The following DNASE1 variants were observed in gnomAD, a reference collection of about 807,000 sequenced individuals.
DNASE1 encodes deoxyribonuclease 1.
A neutral mutation model predicts 33.9 loss-of-function variants in DNASE1; 40 were observed. That is an observed-to-expected ratio of 1.18 (90% CI 0.92 to 1.54). DNASE1 has a LOEUF of 1.54. DNASE1 is among the 40% of genes most tolerant of loss of function. DNASE1 has a pLI of 0.00. For synonymous variants in DNASE1, 216 were observed against 160.0 expected (o/e 1.35, Z -2.64); for missense variants, 518 against 372.6 (o/e 1.39, Z -3.21).
At chr16:3,623,503 C>T (rs995017107) in intron 1 of DNASE1, among the ~76,000 whole-genome samples, 2 of 152,146 alleles carry the variant, frequency 1.3e-5, no homozygotes, top group African/African-American at 4.8e-5. Flanking sequence ...AATGAAAACA[C>T]TTCTACACAG....
At chr16:3,656,807 C>A (rs1424615078) in intron 5 of DNASE1, 54 bp downstream of exon 5, 9 of 1,553,506 alleles carry the variant, frequency 5.8e-6, no homozygotes, top group African/African-American at 2.7e-5. Flanking sequence ...TGGCCTCCAC[C>A]CCCTCCTAGG....
chr16:3,655,995 C>G, intron 3 of DNASE1, 58 bp downstream of exon 3: 8 of 1,612,472 alleles, frequency 5.0e-6, no homozygotes, highest in Non-Finnish European at 6.8e-6. Flanking sequence ...CACAGCCTCA[C>G]TTCACTTGGG....
chr16:3,657,941 G>A lies in DNASE1; in HGVS notation c.837G>A (p.Val279=). 6.2e-7 allele frequency: 1 copy of A among 1,614,028 alleles called. No individual in the cohort carries two copies. The highest frequency in any genetic ancestry group is 1.1e-5 in the South Asian group (1 of 91,076). Residue 279 remains valine (V), a synonymous_variant, in exon 9 of 9, where the codon GTG becomes GTA. Transcript: ENST00000246949. ...QAISDHYPVE[V]MLK ...TCAGTGACCACTATCCAGTGGAGGT[G>A]ATGCTGAAGTGAGCAGCCCCTCCCC...
At chr16:3,658,688 A>G, downstream of DNASE1, 1 of 1,169,798 alleles carries the variant, frequency 8.5e-7, no homozygotes, top group Non-Finnish European at 1.2e-6. Context: ...CAAACAAACA[A>G]ACAAAAAGAC....
chr16:3,619,409 C>G (rs996521090), intron 1 of DNASE1, among the ~76,000 whole-genome samples: 2 of 150,440 alleles, frequency 1.3e-5, no homozygotes, highest in Admixed American at 6.7e-5. Flanking sequence ...TCGCCCAGGC[C>G]GAAGTGCAGT....
rs147763166 is a variant in DNASE1, at chr16:3,657,795, C to T, written c.780C>T (p.Ala260=). ...CTCTTCCCTTTAACTTCCAGGCTGC[C>T]TATGGCCTGAGTGACCAACTGGTAT... is the stretch of plus-strand genomic sequence containing the variant. ...DSALPFNFQA[A]YGLSDQLAQA... Residue 260 remains alanine (A), a synonymous_variant, in exon 8 of 9, where the codon GCC becomes GCT. Transcript: ENST00000246949. 3.8e-5 allele frequency: 61 copies of T among 1,613,766 alleles called. No homozygotes were observed. The African/African-American group carries it at 7.6e-4, about 20-fold the overall frequency.
intron 1 of DNASE1, among the ~76,000 whole-genome samples, chr16:3,628,042 ATCTTG>A (rs903984179): frequency 1.3e-5 from 2 of 151,766 alleles, no homozygotes; most frequent in African/African-American, 4.8e-5. Context: ...ATATTAAGAT[ATCTTG>A]TCTTAACAAT....
chr16:3,640,361 T>A (rs2041997095), upstream of DNASE1, among the ~76,000 whole-genome samples: 1 of 152,202 alleles, frequency 6.6e-6, no homozygotes, highest in Non-Finnish European at 1.5e-5. Flanking sequence ...TTGGCCTCCC[T>A]GAGCTCTGAA....
intron 1 of DNASE1, among the ~76,000 whole-genome samples, chr16:3,648,081 T>C (rs1037551723): frequency 6.6e-6 from 1 of 151,976 alleles, no homozygotes; most frequent in Non-Finnish European, 1.5e-5. Context: ...GGGAGGAGAA[T>C]TGCTCAAACT....
chr16:3,641,946 T>A (rs2151192505), upstream of DNASE1, among the ~76,000 whole-genome samples: 1 of 152,238 alleles, frequency 6.6e-6, no homozygotes, highest in East Asian at 1.9e-4. Context: ...TGGGCAGAGT[T>A]GGAAGAAATA....
chr16:3,642,176 G>A (rs75359759), upstream of DNASE1, among the ~76,000 whole-genome samples: 7,386 of 152,240 alleles, frequency 0.049, 227 homozygotes, highest in Admixed American at 0.066. Flanking sequence ...ACAGCTCTCA[G>A]CCTTTTGCTT....
downstream of DNASE1, chr16:3,662,204 G>C: frequency 6.5e-7 from 1 of 1,549,504 alleles, no homozygotes; most frequent in Non-Finnish European, 8.7e-7. Flanking sequence ...TCTTACCAGG[G>C]GTGAAGGTCA....
intron 1 of DNASE1, among the ~76,000 whole-genome samples, chr16:3,612,230 G>T (rs549735434): frequency 6.6e-6 from 1 of 152,250 alleles, no homozygotes; most frequent in South Asian, 2.1e-4. Flanking sequence ...ACTTGGGGTC[G>T]TCGGGAGCCA....
intron 1 of DNASE1, among the ~76,000 whole-genome samples, chr16:3,623,239 G>A (rs1247777344): frequency 6.6e-6 from 1 of 152,096 alleles, no homozygotes; most frequent in African/African-American, 2.4e-5. Context: ...ATGCAGTGGG[G>A]GAAGGACACG....
downstream of DNASE1, chr16:3,658,644 G>A (rs986780750): frequency 3.0e-4 from 234 of 775,786 alleles, 3 homozygotes; most frequent in East Asian, 5.8e-3. Flanking sequence ...CTGCACTCCA[G>A]CCTGGCAACA....
At position 3,655,008 on chromosome 16, in the gene DNASE1, A is replaced by T; in HGVS notation, c.-38A>T. ...AAGGATATTCCAGATTCTTGACAGC[A>T]TTCTCGTCATCTCTGAGGACATCAC... On this transcript the variant is annotated 5_prime_UTR_variant, in exon 1 of 9. Coordinates refer to ENST00000246949, the MANE Select transcript of DNASE1 (RefSeq NM_005223.4). 2 of 492,174 alleles carry T rather than the reference A, an allele frequency of 4.1e-6. No homozygotes were observed. Among genetic ancestry groups the T allele is most frequent in the Non-Finnish European group, 7.1e-6 (2 of 280,770 alleles). The allele number at this position is 492,174 out of a possible 1,614,324, so 30.5% of individuals were successfully genotyped here. A position where few individuals can be genotyped will look rare whatever the true frequency, so the allele number is the denominator to read the frequency against.
intron 1 of DNASE1, among the ~76,000 whole-genome samples, chr16:3,626,048 C>T (rs1265501471): frequency 2.0e-5 from 3 of 152,078 alleles, no homozygotes; most frequent in East Asian, 1.9e-4. Context: ...TATAGTGAGC[C>T]GTGATTCTGC....
chr16:3,657,511 G>A (rs1461750712), intron 7 of DNASE1, among the ~76,000 whole-genome samples, 170 bp downstream of exon 7: 10 of 152,074 alleles, frequency 6.6e-5, no homozygotes, highest in South Asian at 2.1e-4. Context: ...AGGTTTTTTC[G>A]GAAAAGCACA....
At chr16:3,657,640 T>TCTTAGTTTA in intron 7 of DNASE1, 80 bp from the exon 8 acceptor site, 2 of 1,575,482 alleles carry the variant, frequency 1.3e-6, no homozygotes, top group Non-Finnish European at 1.7e-6. Context: ...GTCCCAGGGC[T>TCTTAGTTTA]CTTAGTTTAG....
Sources: allele counts gnomAD v4.1 joint callset (sites outside exome capture counted in the v4.1 genomes callset), GRCh38; gene constraint gnomAD v4.1.1; transcripts MANE v1.5; gene names NCBI Gene and HGNC (gene_info 2026-07-23, HGNC 2026-07-21).